Variants in KCNQ5 observed in about 807,000 individuals in gnomAD.
The protein encoded by KCNQ5 is potassium voltage-gated channel subfamily Q member 5.
KCNQ5 carries 30 observed loss-of-function variants against 98.2 expected under a neutral mutation model. The ratio of observed to expected loss-of-function variants is 0.31; its 90% CI spans 0.23 to 0.41. KCNQ5 has a LOEUF of 0.41. Among genes scored for constraint, KCNQ5 ranks in the 10% least tolerant of loss-of-function variants. The probability of loss-of-function intolerance (pLI) is 1.00; values close to 1 mark genes in which losing one functional copy is unlikely to be tolerated. For synonymous variants in KCNQ5, 458 were observed against 449.4 expected (o/e 1.02, Z -0.24); for missense variants, 835 against 1,182.5 (o/e 0.71, Z 4.31).
intron 10 of KCNQ5, among the ~76,000 whole-genome samples, chr6:73,142,644 G>A (rs1339635147): frequency 6.6e-6 from 1 of 152,162 alleles, no homozygotes; most frequent in Non-Finnish European, 1.5e-5. Context: ...GGCCAGGTGC[G>A]ATGGTTCATG....
chr6:73,142,804 T>G (rs1166026223), intron 10 of KCNQ5, among the ~76,000 whole-genome samples: 1 of 152,084 alleles, frequency 6.6e-6, no homozygotes, highest in African/African-American at 2.4e-5. Context: ...TAATCCCAGC[T>G]ACTCAGGAGG....
chr6:73,106,143 A>T (rs960313187), intron 6 of KCNQ5, among the ~76,000 whole-genome samples: 10 of 151,770 alleles, frequency 6.6e-5, no homozygotes, highest in African/African-American at 2.4e-4. Context: ...GACACAGCTC[A>T]AGCTGTGCCA....
At chr6:73,164,863 A>G (rs1777734593) in intron 10 of KCNQ5, among the ~76,000 whole-genome samples, 2 of 152,160 alleles carry the variant, frequency 1.3e-5, no homozygotes, top group Admixed American at 1.3e-4. Context: ...ACTTTCTGAG[A>G]TATGAGAAGA....
At chr6:73,031,196 G>A (rs1771126801) in intron 2 of KCNQ5, among the ~76,000 whole-genome samples, 1 of 152,158 alleles carries the variant, frequency 6.6e-6, no homozygotes, top group South Asian at 2.1e-4. Flanking sequence ...AAAGAGAAGA[G>A]GTATCGGGTA....
At chr6:72,697,574 T>C (rs1768562786) in intron 1 of KCNQ5, among the ~76,000 whole-genome samples, 1 of 152,204 alleles carries the variant, frequency 6.6e-6, no homozygotes, top group African/African-American at 2.4e-5. Flanking sequence ...GAAATTAGGA[T>C]ATAATTCCTT....
intron 2 of KCNQ5, among the ~76,000 whole-genome samples, chr6:73,035,047 T>G (rs963238418): frequency 6.6e-6 from 1 of 151,916 alleles, no homozygotes; most frequent in African/African-American, 2.4e-5. Flanking sequence ...GGGTTTCACC[T>G]TATTAGCCAG....
rs1461493266 is a variant in KCNQ5, at chr6:72,772,088, TA to T, written c.398+149502del. Among the ~76,000 whole-genome samples the T allele has an allele frequency of 3.9e-5, 6 of 152,172 alleles. No homozygotes were observed. In the South Asian group the frequency reaches 1.2e-3, roughly 31 times the overall value. On this transcript the variant is annotated intron_variant, in intron 1 of 13. Coordinates refer to ENST00000370398, the MANE Select transcript of KCNQ5 (RefSeq NM_019842.4). ...ATACCGACTTTTCACTGAGTGTCTT[TA>T]TTATTTTGAGTTTATGAAAAATATT...
chr6:73,041,871 T>C (rs1457040983), intron 2 of KCNQ5, 65 bp from the exon 3 acceptor site: 3 of 1,593,338 alleles, frequency 1.9e-6, no homozygotes, highest in Non-Finnish European at 2.6e-6. Flanking sequence ...AAAATATGCA[T>C]AGAGCTTCTT....
chr6:72,945,015 A>T (rs1189757220), intron 1 of KCNQ5, among the ~76,000 whole-genome samples: 1 of 149,626 alleles, frequency 6.7e-6, no homozygotes, highest in African/African-American at 2.5e-5. Flanking sequence ...CATCCTTCCA[A>T]AAAAAAATTC....
At chr6:72,711,442 T>C (rs949350555) in intron 1 of KCNQ5, among the ~76,000 whole-genome samples, 1 of 152,124 alleles carries the variant, frequency 6.6e-6, no homozygotes, top group Non-Finnish European at 1.5e-5. Context: ...GAACAACATG[T>C]GAAAAGCACT....
chr6:72,837,991 T>C (rs1395007180), intron 1 of KCNQ5, among the ~76,000 whole-genome samples: 2 of 151,998 alleles, frequency 1.3e-5, no homozygotes, highest in Non-Finnish European at 2.9e-5. Flanking sequence ...TTAGGGTACA[T>C]GTGCACAACG....
chr6:72,917,145 G>A (rs555564519), intron 1 of KCNQ5, among the ~76,000 whole-genome samples: 1 of 152,302 alleles, frequency 6.6e-6, no homozygotes, highest in South Asian at 2.1e-4. Context: ...GCAGGGAGGA[G>A]TTAGGGAGCA....
chr6:73,015,740 A>T (rs1770304659), intron 2 of KCNQ5, among the ~76,000 whole-genome samples: 1 of 152,162 alleles, frequency 6.6e-6, no homozygotes, highest in Admixed American at 6.6e-5. Flanking sequence ...GAAACAAGGT[A>T]GTATGATAAA....
intron 2 of KCNQ5, among the ~76,000 whole-genome samples, chr6:73,020,561 T>C (rs1188537112): frequency 6.6e-6 from 1 of 152,124 alleles, no homozygotes; most frequent in African/African-American, 2.4e-5. Flanking sequence ...ATAGACATGA[T>C]TGACATTGTC....
chr6:73,181,736 G>A (rs1477521453), intron 11 of KCNQ5, among the ~76,000 whole-genome samples: 4 of 152,160 alleles, frequency 2.6e-5, no homozygotes, highest in African/African-American at 9.7e-5. Flanking sequence ...TAAGACAATA[G>A]AGGAACCTTA....
intron 2 of KCNQ5, among the ~76,000 whole-genome samples, chr6:73,038,698 G>T (rs559797400): frequency 6.6e-6 from 1 of 151,846 alleles, no homozygotes; most frequent in Non-Finnish European, 1.5e-5. Context: ...TGCATACCTG[G>T]AATAAATCCT....
chr6:73,068,150 G>T (rs1773148693), intron 3 of KCNQ5, among the ~76,000 whole-genome samples: 1 of 152,058 alleles, frequency 6.6e-6, no homozygotes, highest in Non-Finnish European at 1.5e-5. Flanking sequence ...ACAAAAATTA[G>T]TTGGGCATGG....
intron 6 of KCNQ5, among the ~76,000 whole-genome samples, chr6:73,108,855 A>G (rs567771106): frequency 2.0e-4 from 31 of 152,226 alleles, no homozygotes; most frequent in Non-Finnish European, 4.0e-4. Flanking sequence ...AAAAAATAGG[A>G]TGTCTTTCAG....
intron 1 of KCNQ5, among the ~76,000 whole-genome samples, chr6:72,772,253 C>A (rs573426616): frequency 6.6e-6 from 1 of 152,188 alleles, no homozygotes; most frequent in South Asian, 2.1e-4. Context: ...AGATCACATA[C>A]AAAATTTCAA....
Sources: gnomAD v4.1 joint callset for allele counts (sites outside exome capture counted in the v4.1 genomes callset) on GRCh38, gnomAD v4.1.1 for gene constraint, MANE v1.5 for transcripts, NCBI Gene and HGNC (gene_info 2026-07-23, HGNC 2026-07-21) for gene names.